The following DENND1A variants were observed in gnomAD, a reference collection of about 807,000 sequenced individuals.
The protein encoded by DENND1A is DENN domain containing 1A.
In DENND1A, 51 loss-of-function variants were observed where a neutral mutation model predicts 113.7. That is an observed-to-expected ratio of 0.45 (90% CI 0.36 to 0.57). The LOEUF (loss-of-function observed/expected upper bound fraction) is 0.57, where lower values mean the gene tolerates loss of function less well. Among genes scored for constraint, DENND1A ranks in the 20% least tolerant of loss-of-function variants. The pLI is 0.00. For missense variants in DENND1A, 1,258 were observed against 1,395.9 expected (o/e 0.90, Z 1.57); for synonymous variants, 565 against 570.8 (o/e 0.99, Z 0.14).
intron 11 of DENND1A, among the ~76,000 whole-genome samples, chr9:123,590,093 T>C (rs959131976): frequency 7.2e-5 from 11 of 152,218 alleles, no homozygotes; most frequent in South Asian, 2.1e-4. Context: ...ATCAGTTCTC[T>C]TGCCTGCCCG....
chr9:123,401,562 T>C (rs2043464842), intron 21 of DENND1A: 1 of 1,382,290 alleles, frequency 7.2e-7, no homozygotes, highest in South Asian at 1.6e-5. Context: ...TTTCTATCAC[T>C]GGTAGTTTGC....
intron 12 of DENND1A, among the ~76,000 whole-genome samples, chr9:123,570,333 T>C (rs1325197163): frequency 6.6e-6 from 1 of 152,060 alleles, no homozygotes; most frequent in South Asian, 2.1e-4. Context: ...AAAGTATAAA[T>C]GGGTAGAAGA....
Position 123,381,250 on chromosome 9 carries a change from C to T in DENND1A, c.*182G>A, listed in dbSNP as rs2042251650. On this transcript the variant is annotated 3_prime_UTR_variant, in exon 24 of 24. Coordinates refer to ENST00000394215, the MANE Select transcript of DENND1A (RefSeq NM_001352964.2). This position sits in a 1 kb window ranked among gnomAD's most constrained non-coding sequence, Gnocchi z 4.7. ...TTGATTCCCAGGCTGGAACTGGTGC[C>T]ATTCCCCAGGGCCAGACATCAGAGA... The T allele has an allele frequency of 1.5e-6, 1 of 647,516 alleles. No individual in the cohort carries two copies. 40.1% of individuals were successfully genotyped at this position (647,516 alleles called of 1,614,324 possible).
chr9:123,755,484 T>C (rs1245002104), intron 5 of DENND1A, among the ~76,000 whole-genome samples: 4 of 150,040 alleles, frequency 2.7e-5, no homozygotes, highest in Non-Finnish European at 5.9e-5. Flanking sequence ...TACCTTCCTC[T>C]CCTGCCTCCC....
chr9:123,588,670 TAC>T (rs921649477), intron 11 of DENND1A, among the ~76,000 whole-genome samples: 1 of 148,278 alleles, frequency 6.7e-6, no homozygotes, highest in African/African-American at 2.5e-5. Context: ...AGAAGAAAAT[TAC>T]AGTTATCCCA....
At chr9:123,484,471 T>G (rs924362787) in intron 13 of DENND1A, among the ~76,000 whole-genome samples, 1 of 152,144 alleles carries the variant, frequency 6.6e-6, no homozygotes, top group African/African-American at 2.4e-5. Context: ...CCTCCATTCA[T>G]CAACATGTAC....
chr9:123,520,876 G>A (rs2054336768), intron 13 of DENND1A, among the ~76,000 whole-genome samples: 1 of 152,196 alleles, frequency 6.6e-6, no homozygotes, highest in African/African-American at 2.4e-5. Flanking sequence ...AGGGTTTAAT[G>A]TAGATTATTA....
chr9:123,688,120 A>G (rs774808880), intron 5 of DENND1A, among the ~76,000 whole-genome samples: 1 of 152,238 alleles, frequency 6.6e-6, no homozygotes, highest in African/African-American at 2.4e-5. Flanking sequence ...TACTCATTGT[A>G]ATTCTAGATA....
chr9:123,754,059 A>C (rs1488819508), intron 5 of DENND1A, among the ~76,000 whole-genome samples: 1 of 152,240 alleles, frequency 6.6e-6, no homozygotes, highest in Non-Finnish European at 1.5e-5. Flanking sequence ...TCCCTTGAGA[A>C]GAAATGGAAA....
intron 3 of DENND1A, among the ~76,000 whole-genome samples, chr9:123,784,654 TA>T (rs1184583453): frequency 6.6e-6 from 1 of 152,158 alleles, no homozygotes; most frequent in Non-Finnish European, 1.5e-5. Flanking sequence ...GGATCCAGAA[TA>T]AACCCAAGAG....
chr9:123,408,203 T>A (rs903198969), intron 20 of DENND1A, among the ~76,000 whole-genome samples: 6 of 152,198 alleles, frequency 3.9e-5, no homozygotes, highest in African/African-American at 1.4e-4. Flanking sequence ...GCTCCTGACA[T>A]GGGAGCTTGG....
intron 1 of DENND1A, among the ~76,000 whole-genome samples, chr9:123,895,059 C>CTT (rs753119053): frequency 4.9e-5 from 7 of 141,860 alleles, no homozygotes; most frequent in Admixed American, 2.1e-4. Context: ...CTGCAAGTTC[C>CTT]TTTTTTTTTT....
chr9:123,757,669 A>C, intron 5 of DENND1A, 34 bp downstream of exon 5: 1 of 1,603,016 alleles, frequency 6.2e-7, no homozygotes, highest in Non-Finnish European at 8.5e-7. Context: ...ATTGCTTCAG[A>C]GAACAAGCCA....
intron 19 of DENND1A, among the ~76,000 whole-genome samples, chr9:123,432,049 A>G (rs1054693389): frequency 3.3e-5 from 5 of 152,138 alleles, no homozygotes; most frequent in African/African-American, 1.2e-4. Flanking sequence ...TCCATGGTAC[A>G]TCAGGAGCCC....
chr9:123,384,597 C>A (rs541438966), intron 22 of DENND1A, among the ~76,000 whole-genome samples: 1 of 152,250 alleles, frequency 6.6e-6, no homozygotes, highest in Non-Finnish European at 1.5e-5. Flanking sequence ...CCAGTGAGCA[C>A]GGCTGTCACA....
chr9:123,504,078 G>A (rs766315527), intron 13 of DENND1A, among the ~76,000 whole-genome samples: 3 of 152,070 alleles, frequency 2.0e-5, no homozygotes, highest in Non-Finnish European at 4.4e-5. Context: ...TGGTTTTATC[G>A]TTCTCTTTGC....
chr9:123,780,394 G>T (rs528875046), intron 3 of DENND1A, among the ~76,000 whole-genome samples: 17 of 152,292 alleles, frequency 1.1e-4, no homozygotes, highest in Non-Finnish European at 2.2e-4. Flanking sequence ...TCCAGTGAAT[G>T]ATGGTGCTGA....
Position 123,419,361 on chromosome 9 carries a change from G to A in DENND1A, c.1489-7532C>T, listed in dbSNP as rs79977593. 4.0e-3 allele frequency among the ~76,000 whole-genome samples: 604 copies of A among 152,376 alleles called. 5 individuals are homozygous for A. Among genetic ancestry groups the A allele is most frequent in the Middle Eastern group, 6.8e-3 (2 of 294 alleles). The stretch of plus-strand genomic sequence containing the variant: ...GCCAGGTGCCTACCTGCCTCAAATG[G>A]AGGAGGCCTGGCCCCAGAGGGGGAA... On this transcript the variant is annotated intron_variant, in intron 19 of 23. Transcript: ENST00000394215.
At position 123,388,480 on chromosome 9, in the gene DENND1A, AAATAAAAAAGTTC is replaced by A. The variant is rs1415539202; in HGVS notation, c.1632-635_1632-623del. ...ATTCCAATAAGCAGGAAGAAATAAA[AAATAAAAAAGTTC>A]AAGAAAAAAGTGAGCCGTGCGGAAG... On this transcript the variant is annotated intron_variant, in intron 21 of 23. Transcript: ENST00000394215. Among the ~76,000 whole-genome samples, 3 of 152,244 alleles carry A rather than the reference AAATAAAAAAGTTC, an allele frequency of 2.0e-5. No homozygotes were observed. In the East Asian group the frequency reaches 5.8e-4, roughly 29 times the overall value.
Sources: gnomAD v4.1 joint callset for allele counts (sites outside exome capture counted in the v4.1 genomes callset) on GRCh38, gnomAD v4.1.1 for gene constraint, Gnocchi (gnomAD v3.1) non-coding constraint, MANE v1.5 for transcripts, NCBI Gene and HGNC (gene_info 2026-07-23, HGNC 2026-07-21) for gene names.